The following THSD7B variants were observed in gnomAD, a reference collection of about 807,000 sequenced individuals.
THSD7B encodes thrombospondin type 1 domain containing 7B, also known as thrombospondin type-1 domain-containing protein 7B.
In THSD7B, 138 loss-of-function variants were observed where a neutral mutation model predicts 213.6. That is an observed-to-expected ratio of 0.65 (90% CI 0.56 to 0.74). The LOEUF (loss-of-function observed/expected upper bound fraction) is 0.74, where lower values mean the gene tolerates loss of function less well. THSD7B is among the 30% of genes least tolerant of loss of function. The pLI, the probability that THSD7B is intolerant of heterozygous loss-of-function variation, is 0.00. For missense variants in THSD7B, 1,931 were observed against 1,991.5 expected, an observed-to-expected ratio of 0.97 and a Z score of 0.58; for synonymous variants, 742 against 687.0, an observed-to-expected ratio of 1.08 and a Z score of -1.25.
intron 2 of THSD7B, among the ~76,000 whole-genome samples, chr2:136,887,300 T>TTGTGTGTGTGTGTG (rs3084772): frequency 5.6e-4 from 83 of 148,574 alleles, no homozygotes; most frequent in East Asian, 1.8e-3. Flanking sequence ...TCCATATTTG[T>TTGTGTGTGTGTGTG]TGTGTGTGTG....
At chr2:137,141,629 G>C (rs1558936143) in intron 5 of THSD7B, among the ~76,000 whole-genome samples, 1 of 151,976 alleles carries the variant, frequency 6.6e-6, no homozygotes. Flanking sequence ...GTTACCATGG[G>C]GGAAACTTAG....
chr2:137,365,907 T>C (rs933236051), intron 12 of THSD7B, among the ~76,000 whole-genome samples: 1 of 152,118 alleles, frequency 6.6e-6, no homozygotes, highest in Non-Finnish European at 1.5e-5. Context: ...ACCCAAAGGA[T>C]TATAAATCAT....
At chr2:137,057,984 T>C (rs535740725) in intron 3 of THSD7B, among the ~76,000 whole-genome samples, 1 of 152,340 alleles carries the variant, frequency 6.6e-6, no homozygotes, top group South Asian at 2.1e-4. Flanking sequence ...AATGAAGCAT[T>C]TGTGTATTAC....
At chr2:137,445,748 A>G (rs1687523589) in intron 14 of THSD7B, among the ~76,000 whole-genome samples, 1 of 151,934 alleles carries the variant, frequency 6.6e-6, no homozygotes, top group Non-Finnish European at 1.5e-5. Flanking sequence ...CATTTCAAAA[A>G]AGTATGAGTT....
intron 15 of THSD7B, among the ~76,000 whole-genome samples, chr2:137,540,660 G>A (rs531896334): frequency 6.6e-6 from 1 of 151,818 alleles, no homozygotes; most frequent in Admixed American, 6.6e-5. Context: ...CTCCAAGCTG[G>A]TCTGGTACAA....
chr2:137,044,057 T>C (rs1411611927), intron 2 of THSD7B, among the ~76,000 whole-genome samples: 2 of 152,176 alleles, frequency 1.3e-5, no homozygotes, highest in Non-Finnish European at 2.9e-5. Flanking sequence ...CGGGAACCTG[T>C]ATCCTGACAG....
intron 1 of THSD7B, among the ~76,000 whole-genome samples, chr2:136,858,118 A>G (rs6720647): frequency 0.13 from 19,587 of 152,282 alleles, 1,882 homozygotes; most frequent in Non-Finnish European, 0.21. Flanking sequence ...TGAAAACAGC[A>G]TTGGAGAAAA....
intron 14 of THSD7B, among the ~76,000 whole-genome samples, chr2:137,439,771 A>G (rs955480044): frequency 6.6e-6 from 1 of 152,142 alleles, no homozygotes; most frequent in African/African-American, 2.4e-5. Flanking sequence ...TTGGCAAATG[A>G]AAACTTTTCG....
intron 15 of THSD7B, among the ~76,000 whole-genome samples, chr2:137,523,441 G>T (rs1333622574): frequency 6.6e-6 from 1 of 152,062 alleles, no homozygotes; most frequent in Non-Finnish European, 1.5e-5. Context: ...CTGTTACTTT[G>T]TGTATTCATA....
chr2:136,967,087 C>G (rs1218547326), intron 2 of THSD7B, among the ~76,000 whole-genome samples: 1 of 152,160 alleles, frequency 6.6e-6, no homozygotes, highest in Non-Finnish European at 1.5e-5. Context: ...ACTGTGTCCT[C>G]TACCGTGCTC....
intron 5 of THSD7B, among the ~76,000 whole-genome samples, chr2:137,141,881 T>G (rs922777623): frequency 6.6e-6 from 1 of 152,150 alleles, no homozygotes; most frequent in Non-Finnish European, 1.5e-5. Context: ...GCTATCACCC[T>G]TGTCTCCTAA....
intron 15 of THSD7B, among the ~76,000 whole-genome samples, chr2:137,488,876 C>T (rs980782020): frequency 6.6e-5 from 10 of 152,182 alleles, no homozygotes; most frequent in African/African-American, 1.9e-4. Context: ...ACTTTCCCAG[C>T]TTGATGGGGG....
intron 14 of THSD7B, among the ~76,000 whole-genome samples, chr2:137,442,493 T>C (rs1316764921): frequency 6.6e-6 from 1 of 152,000 alleles, no homozygotes; most frequent in Non-Finnish European, 1.5e-5. Flanking sequence ...TCACTATTCA[T>C]GTCTATCTTG....
intron 2 of THSD7B, among the ~76,000 whole-genome samples, chr2:136,924,225 G>T (rs982381491): frequency 6.6e-6 from 1 of 152,150 alleles, no homozygotes; most frequent in Non-Finnish European, 1.5e-5. Context: ...GGGATTACAG[G>T]TGCCTGCCAC....
intron 12 of THSD7B, among the ~76,000 whole-genome samples, chr2:137,353,190 G>A (rs1685052157): frequency 6.6e-6 from 1 of 152,038 alleles, no homozygotes; most frequent in Non-Finnish European, 1.5e-5. Context: ...AGCAGTAAGT[G>A]GAGATGTTGA....
intron 7 of THSD7B, among the ~76,000 whole-genome samples, chr2:137,196,417 C>T (rs1410527574): frequency 3.5e-5 from 4 of 114,402 alleles, no homozygotes; most frequent in South Asian, 3.0e-4. Context: ...GCTGCCGTTT[C>T]GCAGCTAATC....
intron 4 of THSD7B, among the ~76,000 whole-genome samples, chr2:137,107,412 G>A (rs1367317766): frequency 2.0e-5 from 3 of 152,178 alleles, no homozygotes; most frequent in African/African-American, 7.2e-5. Context: ...GGGAGGGATA[G>A]CATTAGGAGA....
intron 15 of THSD7B, 67 bp downstream of exon 15, chr2:137,451,090 T>C (rs1484854968): frequency 7.1e-7 from 1 of 1,410,698 alleles, no homozygotes; most frequent in Non-Finnish European, 9.3e-7. Flanking sequence ...CCCATTGAAA[T>C]TGAAGTCATT....
chr2:137,616,292 T>C lies in THSD7B; in HGVS notation c.3541T>C (p.Phe1181Leu), dbSNP rs759540928. 3.1e-6 allele frequency: 5 copies of C among 1,613,644 alleles called. No individual in the cohort carries two copies. The South Asian group carries it at 3.3e-5, about 11-fold the overall frequency. Residue 1181 changes from phenylalanine to leucine, a missense_variant, in exon 18 of 28, where the codon TTC (phenylalanine) becomes CTC (leucine). Transcript: ENST00000409968. ...GCCTTGCCTCCTGAATGAAAATTGC[T>C]TCCAGTTCCAGTACAATCTAACAGG... ...VQPCLLNENC[F>L]QFQYNLTEWS...
Sources: gnomAD v4.1 joint callset for allele counts (sites outside exome capture counted in the v4.1 genomes callset) on GRCh38, gnomAD v4.1.1 for gene constraint, MANE v1.5 for transcripts, NCBI Gene and HGNC (gene_info 2026-07-23, HGNC 2026-07-21) for gene names.